Variants in HIPK2 observed in about 807,000 individuals in gnomAD.
The protein encoded by HIPK2 is homeodomain interacting protein kinase 2.
HIPK2 carries 27 observed loss-of-function variants against 113.7 expected under a neutral mutation model. That is an observed-to-expected ratio of 0.24 (90% CI 0.17 to 0.33). The LOEUF (loss-of-function observed/expected upper bound fraction) is 0.33, where lower values mean the gene tolerates loss of function less well. Ranked by LOEUF, HIPK2 falls within the 10% of genes least tolerant of loss-of-function variation. The pLI is 1.00. For missense variants in HIPK2, 1,257 were observed against 1,588.0 expected (o/e 0.79, Z 3.54); for synonymous variants, 631 against 642.2 (o/e 0.98, Z 0.26).
At chr7:139,685,000 T>C (rs1309339105) in intron 2 of HIPK2, among the ~76,000 whole-genome samples, 1 of 152,074 alleles carries the variant, frequency 6.6e-6, no homozygotes, top group African/African-American at 2.4e-5. Flanking sequence ...GAGGAAATTG[T>C]AGAAAAAAAG....
At chr7:139,665,034 T>TCTCC (rs1262607111) in intron 2 of HIPK2, among the ~76,000 whole-genome samples, 1 of 140,172 alleles carries the variant, frequency 7.1e-6, no homozygotes, top group East Asian at 2.4e-4. Flanking sequence ...TTCTTCTTTC[T>TCTCC]CTCTCTTTTT....
intron 2 of HIPK2, among the ~76,000 whole-genome samples, chr7:139,641,476 A>G (rs992711363): frequency 6.6e-6 from 1 of 152,184 alleles, no homozygotes; most frequent in Non-Finnish European, 1.5e-5. Flanking sequence ...TTCATCTCAC[A>G]TGAATGCTGG....
At chr7:139,733,969 G>A (rs956804979) in intron 1 of HIPK2, among the ~76,000 whole-genome samples, 17 of 152,176 alleles carry the variant, frequency 1.1e-4, no homozygotes, top group African/African-American at 3.4e-4. Context: ...AAGATGTGGC[G>A]CAAGTGTGAA....
chr7:139,707,999 A>C (rs1263042915), intron 2 of HIPK2, among the ~76,000 whole-genome samples: 1 of 151,676 alleles, frequency 6.6e-6, no homozygotes, highest in Admixed American at 6.6e-5. Flanking sequence ...TTCTGTTGCC[A>C]CCCCTGGGGC....
chr7:139,654,525 ACAAAAAACCCC>A (rs1334660185), intron 2 of HIPK2, among the ~76,000 whole-genome samples: 6 of 152,038 alleles, frequency 3.9e-5, no homozygotes, highest in African/African-American at 1.4e-4. Context: ...AAACAAACAA[ACAAAAAACCCC>A]CAAAAAACCC....
chr7:139,655,407 C>T (rs1413498897), intron 2 of HIPK2, among the ~76,000 whole-genome samples: 1 of 152,298 alleles, frequency 6.6e-6, no homozygotes, highest in Non-Finnish European at 1.5e-5. Context: ...AGGCTCCCGC[C>T]GGGCAAGGAG....
Position 139,747,827 on chromosome 7 carries a change from G to A in HIPK2, c.19+29778C>T, listed in dbSNP as rs545373874. On this transcript the variant is annotated intron_variant, in intron 1 of 14. Transcript: ENST00000406875. ...TGACCAACACATAGAATTAGCTAGC[G>A]GGCACAAGTGGCTATTTAAATTTAA... Among the ~76,000 whole-genome samples, 5 of 152,250 alleles carry A rather than the reference G, an allele frequency of 3.3e-5. No homozygotes were observed. In the South Asian group the frequency reaches 8.3e-4, roughly 25 times the overall value.
chr7:139,589,443 T>C (rs1415010011), intron 12 of HIPK2, among the ~76,000 whole-genome samples: 1 of 151,720 alleles, frequency 6.6e-6, no homozygotes, highest in East Asian at 1.9e-4. Flanking sequence ...AAACACACAC[T>C]AATTTTGGCA....
intron 2 of HIPK2, among the ~76,000 whole-genome samples, chr7:139,689,004 G>C (rs1227076205): frequency 6.6e-6 from 1 of 152,170 alleles, no homozygotes; most frequent in Non-Finnish European, 1.5e-5. Context: ...AGTCAAACCT[G>C]AATATTAACA....
At chr7:139,659,442 C>CA (rs1569467042) in intron 2 of HIPK2, among the ~76,000 whole-genome samples, 2 of 152,144 alleles carry the variant, frequency 1.3e-5, no homozygotes, top group East Asian at 3.9e-4. Flanking sequence ...CCCTGAGCCG[C>CA]GGGGTCAGAT....
intron 2 of HIPK2, among the ~76,000 whole-genome samples, chr7:139,676,773 C>T (rs997831295): frequency 4.6e-5 from 7 of 152,086 alleles, no homozygotes; most frequent in African/African-American, 1.7e-4. Flanking sequence ...AAAACATGTA[C>T]TAAACTGAAT....
intron 2 of HIPK2, among the ~76,000 whole-genome samples, chr7:139,648,710 C>T (rs1427184365): frequency 2.0e-5 from 3 of 152,210 alleles, no homozygotes; most frequent in Middle Eastern, 6.8e-3. Context: ...TGCATCATTA[C>T]GGAGGACGGA....
At chr7:139,747,811 C>T (rs1374759801) in intron 1 of HIPK2, among the ~76,000 whole-genome samples, 1 of 152,198 alleles carries the variant, frequency 6.6e-6, no homozygotes, top group Non-Finnish European at 1.5e-5. Context: ...CTGACCAACA[C>T]ATAGAATTAG....
At chr7:139,731,544 G>A (rs1795782248) in intron 1 of HIPK2, among the ~76,000 whole-genome samples, 1 of 152,180 alleles carries the variant, frequency 6.6e-6, no homozygotes, top group African/African-American at 2.4e-5. Context: ...AGGACAAAGG[G>A]CCGCCAAATG....
chr7:139,581,017 C>T (rs916773862), intron 13 of HIPK2, among the ~76,000 whole-genome samples: 40 of 152,072 alleles, frequency 2.6e-4, no homozygotes, highest in African/African-American at 7.2e-4. Context: ...CTCAGGAGTT[C>T]GAGACCAGCC....
intron 2 of HIPK2, among the ~76,000 whole-genome samples, chr7:139,658,211 C>G (rs562242214): frequency 6.6e-6 from 1 of 151,642 alleles, no homozygotes; most frequent in African/African-American, 2.4e-5. Flanking sequence ...GAGGCTGAGG[C>G]AGGAGAATCA....
chr7:139,732,379 C>T (rs189114199), intron 1 of HIPK2, among the ~76,000 whole-genome samples: 1 of 152,322 alleles, frequency 6.6e-6, no homozygotes, highest in African/African-American at 2.4e-5. Context: ...CTCCATGGCA[C>T]GGAGCCACTT....
intron 9 of HIPK2, among the ~76,000 whole-genome samples, chr7:139,606,773 A>G (rs1799632344): frequency 6.6e-6 from 1 of 152,356 alleles, no homozygotes; most frequent in East Asian, 1.9e-4. Flanking sequence ...TTTTCAGTCT[A>G]TAGAGAAGCC....
chr7:139,693,951 T>C lies in HIPK2; in HGVS notation c.1103+21981A>G, dbSNP rs374298995. On this transcript the variant is annotated intron_variant, in intron 2 of 14. Transcript: ENST00000406875. ...CATGAAAGGAGTGATAATCCAACTC[T>C]AAAAACAAGCCACTTCCACATGCAT... Among the ~76,000 whole-genome samples, 31 of 152,324 alleles carry C rather than the reference T, an allele frequency of 2.0e-4. No individual in the cohort carries two copies. The East Asian group carries it at 5.2e-3, about 26-fold the overall frequency.
Sources: allele counts gnomAD v4.1 joint callset (sites outside exome capture counted in the v4.1 genomes callset), GRCh38; gene constraint gnomAD v4.1.1; transcripts MANE v1.5; gene names NCBI Gene and HGNC (gene_info 2026-07-23, HGNC 2026-07-21).